Variants in PCNX2 observed in about 807,000 individuals in gnomAD.
PCNX2 encodes pecanex 2.
Under a neutral mutation model 223.8 loss-of-function variants are expected in PCNX2, and 168 were observed. The ratio of observed to expected loss-of-function variants is 0.75; its 90% CI spans 0.66 to 0.85. The LOEUF (loss-of-function observed/expected upper bound fraction) is 0.85. Ranked by LOEUF, PCNX2 falls within the 40% of genes least tolerant of loss-of-function variation. The pLI, the probability that PCNX2 is intolerant of heterozygous loss-of-function variation, is 0.00. For missense variants in PCNX2, 2,507 were observed against 2,675.5 expected, an observed-to-expected ratio of 0.94 and a Z score of 1.39; for synonymous variants, 1,006 against 1,052.6, an observed-to-expected ratio of 0.96 and a Z score of 0.86.
intron 17 of PCNX2, among the ~76,000 whole-genome samples, chr1:233,166,932 G>A (rs1354831148): frequency 6.6e-6 from 1 of 151,978 alleles, no homozygotes; most frequent in Non-Finnish European, 1.5e-5. Context: ...GCTTGAGGCT[G>A]CAAGTTCAAG....
chr1:233,236,477 A>C (rs1658420427), intron 9 of PCNX2, among the ~76,000 whole-genome samples: 1 of 150,514 alleles, frequency 6.6e-6, no homozygotes, highest in African/African-American at 2.5e-5. Flanking sequence ...TATACAAGGC[A>C]ATAATACATT....
chr1:233,318,590 G>T, the PCNX2 span, among the ~76,000 whole-genome samples: 1 of 104,902 alleles, frequency 9.5e-6, no homozygotes, highest in African/African-American at 3.7e-5. Flanking sequence ...TTTTGAGACA[G>T]AGTCTCACTC....
chr1:233,097,460 A>G (rs1674242178), intron 21 of PCNX2, among the ~76,000 whole-genome samples: 1 of 152,108 alleles, frequency 6.6e-6, no homozygotes, highest in African/African-American at 2.4e-5. Context: ...TTTTTTGCTC[A>G]TAACTTTTCA....
chr1:232,994,755 A>T (rs1669818814), intron 32 of PCNX2, among the ~76,000 whole-genome samples: 1 of 152,096 alleles, frequency 6.6e-6, no homozygotes, highest in Non-Finnish European at 1.5e-5. Context: ...TTTTTGTGAT[A>T]GTGAGTGAGT....
the PCNX2 span, among the ~76,000 whole-genome samples, chr1:233,324,252 T>A: frequency 6.6e-6 from 1 of 152,250 alleles, no homozygotes. Flanking sequence ...AGTGCTAATG[T>A]AGAAGCTGCA....
intron 8 of PCNX2, among the ~76,000 whole-genome samples, chr1:233,239,047 C>T (rs557072896): frequency 3.3e-5 from 5 of 152,218 alleles, no homozygotes; most frequent in South Asian, 2.1e-4. Context: ...CATTTCACAT[C>T]GAAATACAAC....
At chr1:233,271,976 T>C (rs1558413194) in intron 1 of PCNX2, among the ~76,000 whole-genome samples, 1 of 152,200 alleles carries the variant, frequency 6.6e-6, no homozygotes, top group Non-Finnish European at 1.5e-5. Flanking sequence ...TGGTTCCATA[T>C]GAATTTTAGG....
intron 26 of PCNX2, 110 bp downstream of exon 26, chr1:233,025,036 G>A (rs576965440): frequency 1.8e-5 from 25 of 1,425,502 alleles, no homozygotes; most frequent in Middle Eastern, 2.0e-4. Context: ...TTTCCAATTC[G>A]GAAGCTGAGG....
At chr1:233,082,635 T>C (rs73105167) in intron 23 of PCNX2, among the ~76,000 whole-genome samples, 1 of 152,150 alleles carries the variant, frequency 6.6e-6, no homozygotes, top group Admixed American at 6.5e-5. Context: ...TAAGCCAGAA[T>C]AAGCGGCCTG....
intron 1 of PCNX2, chr1:233,292,165 T>A (rs1661802828): frequency 1.9e-6 from 1 of 517,406 alleles, no homozygotes. Flanking sequence ...TATTAAAAAG[T>A]GGATCCTTTC....
At chr1:233,064,273 A>G (rs1159419662) in intron 23 of PCNX2, among the ~76,000 whole-genome samples, 1 of 152,218 alleles carries the variant, frequency 6.6e-6, no homozygotes. Flanking sequence ...GGTTTTACAC[A>G]CCAGTACCAT....
the PCNX2 span, among the ~76,000 whole-genome samples, chr1:233,311,075 A>T: frequency 6.6e-6 from 1 of 152,222 alleles, no homozygotes; most frequent in Non-Finnish European, 1.5e-5. Flanking sequence ...GTCTCTGACT[A>T]TGAGGAGAAC....
chr1:233,077,061 TA>T (rs1031685077), intron 23 of PCNX2, among the ~76,000 whole-genome samples: 2 of 152,188 alleles, frequency 1.3e-5, no homozygotes, highest in African/African-American at 4.8e-5. Context: ...GGTAGGAAAT[TA>T]AAACACAGAG....
the PCNX2 span, among the ~76,000 whole-genome samples, chr1:233,318,891 C>T: frequency 6.6e-6 from 1 of 152,030 alleles, no homozygotes; most frequent in African/African-American, 2.4e-5. Context: ...TTTTCACTTA[C>T]CTAATCCTAC....
At chr1:233,129,218 CG>C (rs1676289151) in intron 21 of PCNX2, among the ~76,000 whole-genome samples, 1 of 144,418 alleles carries the variant, frequency 6.9e-6, no homozygotes. Flanking sequence ...GCACTCAGAG[CG>C]GCCCCGGGCA....
At chr1:233,140,416 T>C (rs1401891715) in intron 19 of PCNX2, among the ~76,000 whole-genome samples, 1 of 152,206 alleles carries the variant, frequency 6.6e-6, no homozygotes, top group Admixed American at 6.5e-5. Flanking sequence ...ACCACAAAGA[T>C]TGAAGTCTAT....
At chr1:233,100,545 C>A (rs1272409121) in intron 21 of PCNX2, among the ~76,000 whole-genome samples, 1 of 151,806 alleles carries the variant, frequency 6.6e-6, no homozygotes, top group Non-Finnish European at 1.5e-5. Flanking sequence ...TAGACCTAGA[C>A]ATGCTGTTAT....
chr1:233,181,563 T>C (rs1439350923), intron 15 of PCNX2, among the ~76,000 whole-genome samples: 1 of 152,208 alleles, frequency 6.6e-6, no homozygotes, highest in Non-Finnish European at 1.5e-5. Context: ...CCTTGAAAGC[T>C]ACTGTACTCT....
intron 17 of PCNX2, among the ~76,000 whole-genome samples, chr1:233,164,645 T>C (rs1002537888): frequency 1.7e-5 from 2 of 121,056 alleles, no homozygotes; most frequent in South Asian, 2.8e-4. Context: ...AGAAAATATA[T>C]AGAAAATGTG....
Sources: gnomAD v4.1 joint callset for allele counts (sites outside exome capture counted in the v4.1 genomes callset) on GRCh38, gnomAD v4.1.1 for gene constraint, MANE v1.5 for transcripts, NCBI Gene and HGNC (gene_info 2026-07-23, HGNC 2026-07-21) for gene names.